Variants in FRMD4A observed in about 807,000 individuals in gnomAD.
FRMD4A encodes the protein FERM domain containing 4A.
Under a neutral mutation model 129.1 loss-of-function variants are expected in FRMD4A, and 29 were observed. The ratio of observed to expected loss-of-function variants is 0.22; its 90% CI spans 0.17 to 0.31. The LOEUF (loss-of-function observed/expected upper bound fraction) is 0.31, where lower values mean the gene tolerates loss of function less well. Ranked by LOEUF, FRMD4A falls within the 10% of genes least tolerant of loss-of-function variation. FRMD4A has a pLI of 1.00. For missense variants in FRMD4A, 1,272 were observed against 1,375.8 expected (o/e 0.92, Z 1.19); for synonymous variants, 634 against 571.6 (o/e 1.11, Z -1.56).
intron 15 of FRMD4A, chr10:13,693,271 C>A (rs1022854925): frequency 3.0e-5 from 5 of 164,902 alleles, no homozygotes; most frequent in Non-Finnish European, 6.6e-5. Flanking sequence ...GTAAATGACA[C>A]CCCCCTTTTT....
chr10:13,700,820 C>CTTTTTTTTTT lies in FRMD4A; in HGVS notation c.975+510_975+519dup, dbSNP rs71503097. On this transcript the variant is annotated intron_variant, in intron 14 of 24. Transcript: ENST00000357447. ...CTACCTTAGGGAAACAGGGTAGTTG[C>CTTTTTTTTTT]TTTTTTTTTTTTTTTTTTTTTTTTT... is the stretch of plus-strand genomic sequence containing the variant. 5.1e-4 allele frequency among the ~76,000 whole-genome samples: 23 copies of CTTTTTTTTTT among 44,706 alleles called. 2 individuals carry two copies. The highest frequency in any genetic ancestry group is 1.6e-3 in the African/African-American group (18 of 11,582). The allele number at this position is 44,706 out of a possible 152,430, so 29.3% of individuals were successfully genotyped here.
At chr10:13,872,166 T>G (rs1240299435) in intron 2 of FRMD4A, among the ~76,000 whole-genome samples, 1 of 149,382 alleles carries the variant, frequency 6.7e-6, no homozygotes, top group Non-Finnish European at 1.5e-5. Context: ...TGCTGCTCCC[T>G]GCTCCTATAG....
intron 2 of FRMD4A, among the ~76,000 whole-genome samples, chr10:14,221,981 G>A (rs575846131): frequency 2.6e-5 from 4 of 152,284 alleles, no homozygotes; most frequent in African/African-American, 7.2e-5. Flanking sequence ...AGGAAGGTAG[G>A]TAATTACTTC....
chr10:13,683,376 G>A (rs909581168), intron 15 of FRMD4A, among the ~76,000 whole-genome samples: 3 of 151,766 alleles, frequency 2.0e-5, no homozygotes, highest in African/African-American at 7.3e-5. Context: ...CTTAATGCCA[G>A]GAGTTTGAGA....
intron 5 of FRMD4A, among the ~76,000 whole-genome samples, chr10:13,791,289 C>G (rs762977948): frequency 1.3e-5 from 2 of 152,302 alleles, no homozygotes; most frequent in Middle Eastern, 3.4e-3. Context: ...CCTGGCAGAA[C>G]TGGCTAGAGA....
chr10:13,882,212 A>G (rs1232451492), intron 2 of FRMD4A, among the ~76,000 whole-genome samples: 1 of 152,090 alleles, frequency 6.6e-6, no homozygotes, highest in African/African-American at 2.4e-5. Flanking sequence ...TGATGATTTT[A>G]TAATGACTCA....
intron 2 of FRMD4A, among the ~76,000 whole-genome samples, chr10:13,966,965 A>G (rs1588606128): frequency 6.6e-6 from 1 of 152,264 alleles, no homozygotes; most frequent in Admixed American, 6.5e-5. Flanking sequence ...TAAGTGAAGT[A>G]ACTCTGGAAT....
rs145978430 is a variant in FRMD4A, at chr10:14,296,485, G to A, written c.45+33573C>T. Among the ~76,000 whole-genome samples, 255 of 152,136 alleles carry A rather than the reference G, an allele frequency of 1.7e-3. 1 individual carries two copies. The Middle Eastern group carries it at 0.024, about 14-fold the overall frequency. On this transcript the variant is annotated intron_variant, in intron 2 of 24. Coordinates refer to ENST00000357447, the MANE Select transcript of FRMD4A (RefSeq NM_018027.5). ...TCTGACCCCCATGCCTTTGTGACTC[G>A]CCTCCAAACTGCCCTCAGGTGTCAG...
At chr10:13,951,370 C>T (rs956430789) in intron 2 of FRMD4A, among the ~76,000 whole-genome samples, 2 of 151,910 alleles carry the variant, frequency 1.3e-5, no homozygotes, top group South Asian at 2.1e-4. Flanking sequence ...CTTGAGAGAA[C>T]GTATTTTCTA....
intron 2 of FRMD4A, among the ~76,000 whole-genome samples, chr10:14,264,566 A>G (rs996943081): frequency 1.2e-4 from 8 of 66,094 alleles, no homozygotes; most frequent in Non-Finnish European, 1.9e-4. Context: ...TACAGTGCTA[A>G]CTTAGTGTAA....
intron 17 of FRMD4A, 118 bp downstream of exon 17, chr10:13,670,288 C>G (rs1053268155): frequency 1.9e-6 from 2 of 1,040,168 alleles, no homozygotes; most frequent in East Asian, 2.6e-5. Context: ...AAGGTATGAG[C>G]GAAAATACTG....
intron 6 of FRMD4A, among the ~76,000 whole-genome samples, chr10:13,763,392 T>C (rs1374930037): frequency 6.6e-6 from 1 of 152,182 alleles, no homozygotes; most frequent in Non-Finnish European, 1.5e-5. Context: ...TCCTTAAAAT[T>C]AAATAAAATG....
intron 15 of FRMD4A, chr10:13,685,267 G>A (rs921576747): frequency 6.1e-6 from 6 of 985,148 alleles, no homozygotes; most frequent in Non-Finnish European, 7.2e-6. Flanking sequence ...CCTTTTGATG[G>A]TGGCTGGGAG....
chr10:13,925,639 G>A (rs1177509949), intron 2 of FRMD4A, among the ~76,000 whole-genome samples: 14 of 136,468 alleles, frequency 1.0e-4, no homozygotes, highest in Non-Finnish European at 2.0e-4. Flanking sequence ...GCTGGAGTGC[G>A]GTGGCGTGAT....
At chr10:13,971,081 CA>C (rs2095514876) in intron 2 of FRMD4A, among the ~76,000 whole-genome samples, 2 of 152,190 alleles carry the variant, frequency 1.3e-5, no homozygotes, top group Non-Finnish European at 2.9e-5. Flanking sequence ...CAGGTGCACA[CA>C]CATAGGTACA....
intron 3 of FRMD4A, among the ~76,000 whole-genome samples, chr10:13,820,096 C>G (rs1375443128): frequency 1.3e-5 from 2 of 152,168 alleles, no homozygotes; most frequent in Admixed American, 6.5e-5. Flanking sequence ...GATGAAGACA[C>G]AGGCGAGGAA....
intron 2 of FRMD4A, among the ~76,000 whole-genome samples, chr10:13,875,101 G>T (rs2094475570): frequency 6.6e-6 from 1 of 152,144 alleles, no homozygotes; most frequent in Non-Finnish European, 1.5e-5. Context: ...AACATAGAAT[G>T]TTCTGGAAAT....
intron 3 of FRMD4A, among the ~76,000 whole-genome samples, chr10:13,827,280 C>G (rs532506753): frequency 3.9e-5 from 6 of 152,190 alleles, no homozygotes; most frequent in African/African-American, 1.4e-4. Flanking sequence ...CAGAGAAAAC[C>G]AGAAATGTGG....
At chr10:14,155,832 T>C (rs756114870) in intron 2 of FRMD4A, among the ~76,000 whole-genome samples, 26 of 152,238 alleles carry the variant, frequency 1.7e-4, no homozygotes, top group Non-Finnish European at 2.6e-4. Context: ...ATAATAAGTG[T>C]GCCACATGTA....
Sources: allele counts gnomAD v4.1 joint callset (sites outside exome capture counted in the v4.1 genomes callset), GRCh38; gene constraint gnomAD v4.1.1; transcripts MANE v1.5; gene names NCBI Gene and HGNC (gene_info 2026-07-23, HGNC 2026-07-21).